Variants in SNAP29 observed in about 807,000 individuals in gnomAD.
The protein encoded by SNAP29 is synaptosome associated protein 29, also known as synaptosomal-associated protein 29.
Under a neutral mutation model 27.9 loss-of-function variants are expected in SNAP29, and 13 were observed. The ratio of observed to expected loss-of-function variants is 0.47; its 90% CI spans 0.30 to 0.74. The LOEUF (loss-of-function observed/expected upper bound fraction) is 0.74. Among genes scored for constraint, SNAP29 ranks in the 30% least tolerant of loss-of-function variants. SNAP29 has a pLI of 0.06. For synonymous variants in SNAP29, 119 were observed against 127.1 expected (o/e 0.94, Z 0.43); for missense variants, 368 against 336.5 (o/e 1.09, Z -0.73).
intron 2 of SNAP29, among the ~76,000 whole-genome samples, chr22:20,877,187 T>C (rs1052695127): frequency 5.3e-5 from 8 of 151,710 alleles, no homozygotes; most frequent in African/African-American, 1.7e-4. Context: ...ACTTTGGAGG[T>C]TGAGGTGGGC....
chr22:20,872,181 G>A (rs911147455), intron 2 of SNAP29, among the ~76,000 whole-genome samples: 2 of 151,902 alleles, frequency 1.3e-5, no homozygotes, highest in Non-Finnish European at 2.9e-5. Context: ...GATATTATGT[G>A]ATAACTCAGG....
Position 20,859,224 on chromosome 22 carries a change from C to T in SNAP29, c.114C>T (p.Pro38=), listed in dbSNP as rs1247761222. 1.9e-6 allele frequency: 3 copies of T among 1,604,974 alleles called. No individual in the cohort carries two copies. The highest frequency in any genetic ancestry group is 2.2e-5 in the East Asian group (1 of 44,628). Reference sequence around the variant, plus strand: ...ACCTCCCCGACGGGCCCGACGCGCCCGCGGACAGGCAGCAGTACTTGCGGC... The same window carrying T: ...ACCTCCCCGACGGGCCCGACGCGCCTGCGGACAGGCAGCAGTACTTGCGGC... ...ARDLPDGPDA[P]ADRQQYLRQE... Residue 38 remains proline (P), a synonymous_variant, in exon 1 of 5, where the codon CCC becomes CCT. Transcript: ENST00000215730.
chr22:20,880,573 C>T (rs973074894), intron 2 of SNAP29, among the ~76,000 whole-genome samples: 1 of 151,860 alleles, frequency 6.6e-6, no homozygotes, highest in Admixed American at 6.6e-5. Context: ...ATCAGCAGGT[C>T]ATTGTTTGCT....
chr22:20,883,402 TG>T, intron 3 of SNAP29, 68 bp from the exon 4 acceptor site: 1 of 1,016,278 alleles, frequency 9.8e-7, no homozygotes. Flanking sequence ...GAAATTGTTT[TG>T]GGTGTGTGAA....
intron 4 of SNAP29, 104 bp downstream of exon 4, chr22:20,883,673 C>A: frequency 1.3e-6 from 1 of 769,132 alleles, no homozygotes; most frequent in South Asian, 1.4e-5. Context: ...GTTCCCTCAC[C>A]ACACATCACA....
chr22:20,876,198 A>G (rs1346876449), intron 2 of SNAP29, among the ~76,000 whole-genome samples: 1 of 150,146 alleles, frequency 6.7e-6, no homozygotes, highest in African/African-American at 2.4e-5. Context: ...AATTTTTGTG[A>G]TCCTGTCAAA....
At chr22:20,882,066 C>G (rs1357185242) in intron 3 of SNAP29, among the ~76,000 whole-genome samples, 2 of 151,692 alleles carry the variant, frequency 1.3e-5, no homozygotes, top group Non-Finnish European at 2.9e-5. Context: ...AGAAAGGGGC[C>G]CACCTGCCAA....
chr22:20,882,110 C>T (rs1447217683), intron 3 of SNAP29, among the ~76,000 whole-genome samples: 1 of 151,820 alleles, frequency 6.6e-6, no homozygotes, highest in Non-Finnish European at 1.5e-5. Context: ...CTGCAAAAGG[C>T]GAGGAATTAG....
chr22:20,887,446 C>T (rs1285234676), intron 4 of SNAP29, among the ~76,000 whole-genome samples: 3 of 151,806 alleles, frequency 2.0e-5, no homozygotes, highest in Admixed American at 1.3e-4. Flanking sequence ...CTACCCCCAG[C>T]GTGCACAAAC....
rs1929065603 is a variant in SNAP29 at position 20,888,189 on chromosome 22, C to G, written c.*353C>G. ...AGATGGGAACAGAATTTCAGTCTTGCAGCCATGAGCCTCTATTTCTCATTC... is the reference window on the plus strand; with the variant it reads ...AGATGGGAACAGAATTTCAGTCTTGGAGCCATGAGCCTCTATTTCTCATTC... On this transcript the variant is annotated 3_prime_UTR_variant, in exon 5 of 5. Coordinates refer to ENST00000215730, the MANE Select transcript of SNAP29 (RefSeq NM_004782.4). 2.9e-6 allele frequency: 1 copy of G among 348,050 alleles called. No individual in the cohort carries two copies. The highest frequency in any genetic ancestry group is 5.5e-6 in the Non-Finnish European group (1 of 180,604). 21.6% of individuals were successfully genotyped at this position (348,050 alleles called of 1,614,324 possible). A position where few individuals can be genotyped will look rare whatever the true frequency, so the allele number is the denominator to read the frequency against.
intron 2 of SNAP29, chr22:20,870,764 C>T (rs2147864378): frequency 3.4e-6 from 2 of 596,600 alleles, no homozygotes. Context: ...TAATTGTGAC[C>T]CCACTACTTT....
chr22:20,880,956 T>C, intron 2 of SNAP29, 93 bp from the exon 3 acceptor site: 1 of 829,046 alleles, frequency 1.2e-6, no homozygotes, highest in East Asian at 2.7e-5. Context: ...ATTTGATTTT[T>C]AGCACACAGG....
chr22:20,890,457 T>TAACTTAACTTA lies in SNAP29; in HGVS notation c.*2622_*2623insACTTAACTTAA, dbSNP rs1317930166. The TAACTTAACTTA allele has an allele frequency of 5.0e-6, 2 of 397,716 alleles. No homozygotes were observed. Among genetic ancestry groups the TAACTTAACTTA allele is most frequent in the Non-Finnish European group, 4.4e-6 (1 of 225,666 alleles). The allele number at this position is 397,716 out of a possible 1,614,324, so 24.6% of individuals were successfully genotyped here. A position where few individuals can be genotyped will look rare whatever the true frequency, so the allele number is the denominator to read the frequency against. ...AAGGTTGGTTATATGTTAAGTGTGC[T>TAACTTAACTTA]ACTAACTTAAAAAATAGTGGCTGGG... On this transcript the variant is annotated 3_prime_UTR_variant, in exon 5 of 5. Coordinates refer to ENST00000215730, the MANE Select transcript of SNAP29 (RefSeq NM_004782.4).
Position 20,889,304 on chromosome 22 carries a change from A to T in SNAP29, c.*1468A>T, listed in dbSNP as rs796619891. 1.2e-4 allele frequency: 19 copies of T among 152,312 alleles called. No homozygotes were observed. Among genetic ancestry groups the T allele is most frequent in the African/African-American group, 4.6e-4 (19 of 41,568 alleles). The allele number at this position is 152,312 out of a possible 1,614,324, so 9.4% of individuals were successfully genotyped here. ...AACAGTGCATTAGTTTTTATGTAGCAATTTGTTTATAAAAATTCCCATCCC... is the reference window on the plus strand; with the variant it reads ...AACAGTGCATTAGTTTTTATGTAGCTATTTGTTTATAAAAATTCCCATCCC... On this transcript the variant is annotated 3_prime_UTR_variant, in exon 5 of 5. Coordinates refer to ENST00000215730, the MANE Select transcript of SNAP29 (RefSeq NM_004782.4).
intron 2 of SNAP29, 146 bp from the exon 3 acceptor site, chr22:20,880,903 G>T: frequency 1.6e-6 from 1 of 629,374 alleles, no homozygotes; most frequent in Non-Finnish European, 2.9e-6. Context: ...AGAAGCTGTT[G>T]AAATCCCTAC....
intron 3 of SNAP29, among the ~76,000 whole-genome samples, chr22:20,881,638 C>T (rs569959354): frequency 1.3e-5 from 2 of 152,238 alleles, no homozygotes; most frequent in African/African-American, 2.4e-5. Context: ...ATCTGGGAGG[C>T]GGAGGTTGCA....
In SNAP29 at chr22:20,875,872, G is replaced by C. The variant is rs1239090382; in HGVS notation, c.435-5177G>C. On this transcript the variant is annotated intron_variant, in intron 2 of 4. Coordinates refer to ENST00000215730, the MANE Select transcript of SNAP29 (RefSeq NM_004782.4). ...ACATGGACGACCAAAAAAAAAAATG[G>C]GGGGGCGGCTGGGTGCAGTGGCTCA... Among the ~76,000 whole-genome samples the C allele has an allele frequency of 2.0e-5, 3 of 151,228 alleles. No homozygotes were observed. The East Asian group carries it at 5.8e-4, about 29-fold the overall frequency.
intron 1 of SNAP29, among the ~76,000 whole-genome samples, chr22:20,862,314 G>A (rs984745306): frequency 1.3e-5 from 2 of 152,212 alleles, no homozygotes; most frequent in South Asian, 2.1e-4. Context: ...TCAAAGTAGG[G>A]CATTGTGGCA....
At chr22:20,880,202 TA>T in intron 2 of SNAP29, among the ~76,000 whole-genome samples, 1 of 152,100 alleles carries the variant, frequency 6.6e-6, no homozygotes, top group Admixed American at 6.6e-5. Context: ...TTTACCATAA[TA>T]AAAATAACTT....
Sources: allele counts gnomAD v4.1 joint callset (sites outside exome capture counted in the v4.1 genomes callset), GRCh38; gene constraint gnomAD v4.1.1; transcripts MANE v1.5; gene names NCBI Gene and HGNC (gene_info 2026-07-23, HGNC 2026-07-21).